Variants in HP1BP3 observed in about 807,000 individuals in gnomAD.
HP1BP3 encodes heterochromatin protein 1 binding protein 3.
Under a neutral mutation model 62.5 loss-of-function variants are expected in HP1BP3, and 12 were observed. That is an observed-to-expected ratio of 0.19 (90% CI 0.12 to 0.31). HP1BP3 has a LOEUF of 0.31. Ranked by LOEUF, HP1BP3 falls within the 10% of genes least tolerant of loss-of-function variation. The pLI is 1.00. For synonymous variants in HP1BP3, 260 were observed against 237.8 expected, an observed-to-expected ratio of 1.09 and a Z score of -0.86; for missense variants, 502 against 651.8, an observed-to-expected ratio of 0.77 and a Z score of 2.50.
At chr1:20,751,395 C>A (rs934924680) in intron 9 of HP1BP3, among the ~76,000 whole-genome samples, 2 of 151,696 alleles carry the variant, frequency 1.3e-5, no homozygotes, top group African/African-American at 4.8e-5. Context: ...CCCTTTTAAT[C>A]CTATGAGGAA....
In HP1BP3 at chr1:20,777,621, G is replaced by A. The variant is rs140557118; in HGVS notation, c.197-871C>T. Among the ~76,000 whole-genome samples, 496 of 152,218 alleles carry A rather than the reference G, an allele frequency of 3.3e-3. 2 individuals are homozygous for A. The highest frequency in any genetic ancestry group is 0.012 in the African/African-American group (479 of 41,530). ...CTACAGGTGCGTGCCGCCATGCCCA[G>A]CTGATTTTTTGTATTTTTAGTAGTG... is the stretch of plus-strand genomic sequence containing the variant. On this transcript the variant is annotated intron_variant, in intron 3 of 12. Coordinates refer to ENST00000438032, the MANE Select transcript of HP1BP3 (RefSeq NM_001372052.1).
chr1:20,772,532 G>C (rs1317621619), intron 5 of HP1BP3, among the ~76,000 whole-genome samples: 1 of 151,772 alleles, frequency 6.6e-6, no homozygotes, highest in East Asian at 1.9e-4. Context: ...AAGTCTTGAA[G>C]GAGTAAAGGG....
At chr1:20,753,564 C>T (rs1169666796) in intron 9 of HP1BP3, among the ~76,000 whole-genome samples, 1 of 152,048 alleles carries the variant, frequency 6.6e-6, no homozygotes, top group Non-Finnish European at 1.5e-5. Context: ...TAACTCTGTG[C>T]CACTATTTTT....
intron 6 of HP1BP3, among the ~76,000 whole-genome samples, chr1:20,770,287 G>A (rs2056996732): frequency 6.6e-6 from 1 of 152,122 alleles, no homozygotes; most frequent in South Asian, 2.1e-4. Flanking sequence ...AGGCTTTAAA[G>A]GAAACAAACC....
At chr1:20,767,098 C>A (rs1376619031) in intron 7 of HP1BP3, among the ~76,000 whole-genome samples, 7 of 152,060 alleles carry the variant, frequency 4.6e-5, no homozygotes. Flanking sequence ...GCGGGCAGAT[C>A]ACTGAGGTCA....
intron 1 of HP1BP3, among the ~76,000 whole-genome samples, chr1:20,783,913 A>T (rs896080506): frequency 3.9e-5 from 6 of 152,130 alleles, no homozygotes; most frequent in Non-Finnish European, 7.3e-5. Flanking sequence ...TAATAAACTC[A>T]CTGTTCATTA....
intron 8 of HP1BP3, among the ~76,000 whole-genome samples, chr1:20,763,555 T>C (rs2056603772): frequency 6.6e-6 from 1 of 152,186 alleles, no homozygotes; most frequent in Non-Finnish European, 1.5e-5. Flanking sequence ...ATCGGGACAA[T>C]GTGCATTCAA....
chr1:20,787,280 T>C lies in HP1BP3; in HGVS notation c.-186A>G, dbSNP rs1400386662. The stretch of plus-strand genomic sequence containing the variant: ...CGCCGCTAGTCGCCTCCGCCACCGC[T>C]GTCCTCCAGTCCCAGCCGCCGAGCT... On this transcript the variant is annotated 5_prime_UTR_variant, in exon 1 of 13. Coordinates refer to ENST00000438032, the MANE Select transcript of HP1BP3 (RefSeq NM_001372052.1). 6 of 151,350 alleles carry C rather than the reference T, an allele frequency of 4.0e-5. No homozygotes were observed. The highest frequency in any genetic ancestry group is 5.9e-5 in the Non-Finnish European group (4 of 67,766). The allele number at this position is 151,350 out of a possible 1,614,324, so 9.4% of individuals were successfully genotyped here.
At chr1:20,782,063 C>T (rs1313735257) in intron 1 of HP1BP3, among the ~76,000 whole-genome samples, 1 of 152,134 alleles carries the variant, frequency 6.6e-6, no homozygotes, top group African/African-American at 2.4e-5. Flanking sequence ...CTTTCTTAAC[C>T]CACGATAACA....
chr1:20,773,180 T>C (rs956973539), intron 5 of HP1BP3, among the ~76,000 whole-genome samples: 2 of 152,148 alleles, frequency 1.3e-5, no homozygotes, highest in Non-Finnish European at 2.9e-5. Flanking sequence ...AGCCTTCAAA[T>C]AAAAACTGTA....
At position 20,771,016 on chromosome 1, in the gene HP1BP3, T is replaced by TA; in HGVS notation, c.567dup (p.Lys190Ter). The TA allele has an allele frequency of 6.2e-7, 1 of 1,611,212 alleles. No homozygotes were observed. The highest frequency in any genetic ancestry group is 8.5e-7 in the Non-Finnish European group (1 of 1,178,448). On this transcript the variant is annotated frameshift_variant, in exon 6 of 13. Transcript: ENST00000438032. LOFTEE classifies it high-confidence loss of function. ...CTCTCCAGCTCCAGAGAAGGATACT[T>TA]ATGGATGATGTATTTTCGAATAGCA...
At chr1:20,756,423 A>G (rs1225377889) in intron 9 of HP1BP3, among the ~76,000 whole-genome samples, 2 of 151,482 alleles carry the variant, frequency 1.3e-5, no homozygotes, top group Non-Finnish European at 2.9e-5. Flanking sequence ...AAAATTGGGG[A>G]AGACGGATTA....
rs765712174 is a variant in HP1BP3, at chr1:20,771,033, C to T, written c.551G>A (p.Arg184Gln). ...QKSGASVVAI[R>Q]KYIIHKYPSL... ...AGGATACTTATGGATGATGTATTTT[C>T]GAATAGCAACCACTGATGCACCACT... The change falls in exon 6 of 13, where the codon CGA becomes CAA. Residue 184 changes from arginine (R) to glutamine (Q), a missense_variant. Arg to Gln is a conservative substitution (Grantham distance 43, BLOSUM62 1). Transcript: ENST00000438032. The T allele has an allele frequency of 1.2e-6, 2 of 1,610,396 alleles. No homozygotes were observed. The highest frequency in any genetic ancestry group is 1.7e-6 in the Non-Finnish European group (2 of 1,178,558).
intron 5 of HP1BP3, among the ~76,000 whole-genome samples, chr1:20,772,673 G>A (rs955599702): frequency 4.6e-5 from 7 of 151,928 alleles, no homozygotes; most frequent in African/African-American, 1.2e-4. Context: ...CTGTATCCCT[G>A]TCTCCCCAGT....
In HP1BP3 at chr1:20,765,524, C is replaced by T; in HGVS notation, c.743G>A (p.Ser248Asn). Residue 248 changes from serine to asparagine, a missense_variant, in exon 8 of 13, where the codon AGC (serine) becomes AAC (asparagine). By Grantham distance (46) the Ser-to-Asn change is conservative (BLOSUM62 1). Around this residue, in one of 5 missense-constraint regions of HP1BP3, gnomAD observed 111 missense variants for 242.0 expected, o/e 0.46. Coordinates refer to ENST00000438032, the MANE Select transcript of HP1BP3 (RefSeq NM_001372052.1). ...PQKSRNRKNR[S>N]SAVDPEPQVK... ...TTGTGGTTCTGGATCCACTGCAGAG[C>T]TCCTATTCTGAAAAGTAATTATCAA... 1.2e-6 allele frequency: 2 copies of T among 1,611,454 alleles called. No homozygotes were observed. Among genetic ancestry groups the T allele is most frequent in the Non-Finnish European group, 1.7e-6 (2 of 1,178,536 alleles).
At position 20,776,599 on chromosome 1, in the gene HP1BP3, C is replaced by T; in HGVS notation, c.348G>A (p.Lys116=). The T allele has an allele frequency of 1.2e-6, 2 of 1,610,222 alleles. No individual in the cohort carries two copies. Among genetic ancestry groups the T allele is most frequent in the South Asian group, 1.1e-5 (1 of 90,230 alleles). The change falls in exon 4 of 13, where the codon AAG becomes AAA. Residue 116 remains lysine, a splice_region_variant and synonymous_variant. Transcript: ENST00000438032. ...EENKSSEETK[K]DEKDQSKEKE... ...AGCAAGAAGACATAACTCCTTACTC[C>T]TTTTTGGTTTCCTCAGAAGACTTAT...
rs565732772 is a variant in HP1BP3 at position 20,742,829 on chromosome 1, A to T, written c.*1968T>A. On this transcript the variant is annotated 3_prime_UTR_variant, in exon 13 of 13. Coordinates refer to ENST00000438032, the MANE Select transcript of HP1BP3 (RefSeq NM_001372052.1). ...ACATGATTATGATCTAATTCAAGCCAATCTTCTCAAGTCCATTTCCCAGCC... is the reference window on the plus strand; with the variant it reads ...ACATGATTATGATCTAATTCAAGCCTATCTTCTCAAGTCCATTTCCCAGCC... 6.5e-6 allele frequency: 1 copy of T among 152,772 alleles called. No individual in the cohort carries two copies. The highest frequency in any genetic ancestry group is 2.1e-4 in the South Asian group (1 of 4,828). 9.5% of individuals were successfully genotyped at this position (152,772 alleles called of 1,614,324 possible).
At chr1:20,766,406 T>C (rs1452562607) in intron 7 of HP1BP3, among the ~76,000 whole-genome samples, 2 of 152,020 alleles carry the variant, frequency 1.3e-5, no homozygotes, top group African/African-American at 4.8e-5. Flanking sequence ...TTGAAAGTGT[T>C]TGAAAAGTCT....
chr1:20,740,521 G>A lies in HP1BP3; in HGVS notation c.*4276C>T, dbSNP rs896129352. Among the ~76,000 whole-genome samples the A allele has an allele frequency of 3.3e-5, 5 of 152,190 alleles. No individual in the cohort carries two copies. Among genetic ancestry groups the A allele is most frequent in the African/African-American group, 2.4e-5 (1 of 41,448 alleles). ...CTGAAGTTAACAGTCTTGTGGAAAA[G>A]AACAGAAGAAAGAATAGGGCCAGGT... On this transcript the variant is annotated 3_prime_UTR_variant, in exon 13 of 13. Coordinates refer to ENST00000438032, the MANE Select transcript of HP1BP3 (RefSeq NM_001372052.1).
Sources: allele counts gnomAD v4.1 joint callset (sites outside exome capture counted in the v4.1 genomes callset), GRCh38; gene constraint gnomAD v4.1.1; regional missense constraint gnomAD v4.1.1; transcripts MANE v1.5; gene names NCBI Gene and HGNC (gene_info 2026-07-23, HGNC 2026-07-21).